Variants in TENM3 observed in about 807,000 individuals in gnomAD.
TENM3 encodes teneurin transmembrane protein 3.
A neutral mutation model predicts 255.1 loss-of-function variants in TENM3; 63 were observed. The ratio of observed to expected loss-of-function variants is 0.25; its 90% CI spans 0.20 to 0.30. The LOEUF (loss-of-function observed/expected upper bound fraction) is 0.30, where lower values mean the gene tolerates loss of function less well. Ranked by LOEUF, TENM3 falls within the 10% of genes least tolerant of loss-of-function variation. The probability of loss-of-function intolerance (pLI) is 1.00; values close to 1 mark genes in which losing one functional copy is unlikely to be tolerated. For missense variants in TENM3, 2,929 were observed against 3,461.1 expected (o/e 0.85, Z 3.86); for synonymous variants, 1,306 against 1,322.3 (o/e 0.99, Z 0.27).
At chr4:181,612,125 G>C in the TENM3 span, among the ~76,000 whole-genome samples, 1 of 152,106 alleles carries the variant, frequency 6.6e-6, no homozygotes, top group South Asian at 2.1e-4. Flanking sequence ...TCCGCCCCCA[G>C]AGCCCCAGCC....
At chr4:181,868,294 A>T in the TENM3 span, among the ~76,000 whole-genome samples, 5 of 151,838 alleles carry the variant, frequency 3.3e-5, no homozygotes, top group Admixed American at 1.3e-4. Context: ...ATGGCTAACC[A>T]GGATCATGAC....
intron 1 of TENM3, chr4:182,144,872 G>GGA (rs1457599605): frequency 6.6e-6 from 1 of 151,330 alleles, no homozygotes; most frequent in African/African-American, 2.4e-5. Context: ...GGGAGGCGGC[G>GGA]GACGCGGGGA....
intron 1 of TENM3, among the ~76,000 whole-genome samples, chr4:182,323,682 A>G (rs1478034829): frequency 6.7e-6 from 1 of 150,220 alleles, no homozygotes; most frequent in Admixed American, 6.7e-5. Context: ...TGAGCTTACA[A>G]TTTTTTTTTT....
chr4:182,113,927 C>T, the TENM3 span, among the ~76,000 whole-genome samples: 5 of 152,170 alleles, frequency 3.3e-5, no homozygotes. Flanking sequence ...CATTTAATTT[C>T]TTTCCCAATG....
intron 1 of TENM3, among the ~76,000 whole-genome samples, chr4:182,267,556 T>C (rs970945953): frequency 6.6e-6 from 1 of 152,116 alleles, no homozygotes; most frequent in Admixed American, 6.6e-5. Flanking sequence ...TGTCACTTTC[T>C]AACAAGTCCA....
the TENM3 span, among the ~76,000 whole-genome samples, chr4:181,501,737 T>C: frequency 2.0e-5 from 3 of 152,170 alleles, no homozygotes; most frequent in Non-Finnish European, 4.4e-5. Context: ...CCCTAAAATG[T>C]TATGAGTTCA....
At chr4:182,102,433 C>T in the TENM3 span, among the ~76,000 whole-genome samples, 1 of 152,098 alleles carries the variant, frequency 6.6e-6, no homozygotes, top group Non-Finnish European at 1.5e-5. Flanking sequence ...CAATTACTGG[C>T]AATGATTAGC....
chr4:181,558,625 T>C, the TENM3 span, among the ~76,000 whole-genome samples: 1 of 152,180 alleles, frequency 6.6e-6, no homozygotes, highest in Non-Finnish European at 1.5e-5. Context: ...TCCAGAGCAT[T>C]CCTGGTTGCA....
chr4:182,736,227 C>G (rs1021615603), intron 16 of TENM3, among the ~76,000 whole-genome samples: 2 of 152,106 alleles, frequency 1.3e-5, no homozygotes, highest in Non-Finnish European at 2.9e-5. Context: ...TTTTTGTTAT[C>G]CTTACTGTCT....
chr4:181,464,975 A>G, the TENM3 span, among the ~76,000 whole-genome samples: 4 of 152,240 alleles, frequency 2.6e-5, no homozygotes, highest in Non-Finnish European at 4.4e-5. Flanking sequence ...AAAAAGTCCA[A>G]TTTATCTATT....
At chr4:182,024,473 T>TA in the TENM3 span, among the ~76,000 whole-genome samples, 2 of 152,216 alleles carry the variant, frequency 1.3e-5, no homozygotes, top group African/African-American at 4.8e-5. Context: ...CTGTATTTTT[T>TA]AAAAATGATT....
intron 3 of TENM3, among the ~76,000 whole-genome samples, chr4:182,446,195 C>G (rs189924965): frequency 6.6e-6 from 1 of 152,134 alleles, no homozygotes; most frequent in Non-Finnish European, 1.5e-5. Context: ...AGTGTAAATC[C>G]TTGATTATTC....
At chr4:182,525,751 G>C (rs563268728) in intron 3 of TENM3, among the ~76,000 whole-genome samples, 129 of 152,266 alleles carry the variant, frequency 8.5e-4, no homozygotes, top group African/African-American at 3.0e-3. Context: ...CTCTTTGTCA[G>C]TTAACAGCAT....
At chr4:181,459,972 C>T in the TENM3 span, among the ~76,000 whole-genome samples, 1 of 151,844 alleles carries the variant, frequency 6.6e-6, no homozygotes, top group Non-Finnish European at 1.5e-5. Flanking sequence ...CTTCACTTAC[C>T]TCTCTTCACT....
intron 1 of TENM3, among the ~76,000 whole-genome samples, chr4:182,238,368 C>T (rs1177772319): frequency 6.6e-6 from 1 of 152,200 alleles, no homozygotes; most frequent in African/African-American, 2.4e-5. Flanking sequence ...TTCTCTCTGA[C>T]CAGAACGTTT....
intron 3 of TENM3, among the ~76,000 whole-genome samples, chr4:182,386,551 A>C (rs1409650874): frequency 6.6e-6 from 1 of 152,046 alleles, no homozygotes; most frequent in Non-Finnish European, 1.5e-5. Context: ...GCTTGCAGGG[A>C]GGTGTGGAGG....
chr4:181,998,359 T>C, the TENM3 span, among the ~76,000 whole-genome samples: 7 of 152,134 alleles, frequency 4.6e-5, no homozygotes, highest in African/African-American at 1.7e-4. Context: ...AGTGAAAGAA[T>C]AAATAAGGAA....
At chr4:182,787,249 G>A (rs1219566828) in intron 24 of TENM3, among the ~76,000 whole-genome samples, 1 of 152,280 alleles carries the variant, frequency 6.6e-6, no homozygotes, top group Non-Finnish European at 1.5e-5. Context: ...AGGGATCTAG[G>A]CCAACCTCTT....
At chr4:182,635,486 C>T (rs1561037010) in intron 5 of TENM3, among the ~76,000 whole-genome samples, 2 of 152,146 alleles carry the variant, frequency 1.3e-5, no homozygotes, top group Non-Finnish European at 2.9e-5. Context: ...AAAATGTTTC[C>T]ATAAAAATCT....
Sources: allele counts gnomAD v4.1 joint callset (sites outside exome capture counted in the v4.1 genomes callset), GRCh38; gene constraint gnomAD v4.1.1; transcripts MANE v1.5; gene names NCBI Gene and HGNC (gene_info 2026-07-23, HGNC 2026-07-21).